Variants in YBEY observed in about 807,000 individuals in gnomAD.
YBEY encodes the protein ybeY metalloendoribonuclease, also known as endoribonuclease YbeY.
YBEY carries 15 observed loss-of-function variants against 13.5 expected under a neutral mutation model. The observed-to-expected ratio is 1.11, with a 90% CI of 0.75 to 1.72. The LOEUF (loss-of-function observed/expected upper bound fraction) is 1.72. Among genes scored for constraint, YBEY ranks in the 40% most tolerant of loss-of-function variants. The pLI, the probability that YBEY is intolerant of heterozygous loss-of-function variation, is 0.00. For missense variants in YBEY, 244 were observed against 208.4 expected (o/e 1.17, Z -1.05); for synonymous variants, 101 against 83.1 (o/e 1.21, Z -1.17).
At position 46,294,235 on chromosome 21, in the gene YBEY, CGGGA is replaced by C; in HGVS notation, c.340-1926_340-1923del. On this transcript the variant is annotated intron_variant, in intron 3 of 4. Coordinates refer to ENST00000397701, the MANE Select transcript of YBEY (RefSeq NM_001314025.2). ...TCCCGCGGTTAGCCTGACCCGTGCC[CGGGA>C]CTCAGTGGAGTCAGCCACGCAAGTT... 6.1e-5 allele frequency among the ~76,000 whole-genome samples: 4 copies of C among 65,784 alleles called. 1 individual carries two copies. The highest frequency in any genetic ancestry group is 5.5e-5 in the African/African-American group (1 of 18,272). The allele number at this position is 65,784 out of a possible 152,430, so 43.2% of individuals were successfully genotyped here.
intron 2 of YBEY, among the ~76,000 whole-genome samples, chr21:46,288,013 A>G (rs1416799786): frequency 8.2e-6 from 1 of 122,566 alleles, no homozygotes; most frequent in Non-Finnish European, 1.9e-5. Context: ...ACTCTGTCTC[A>G]GGAAAAAAAA....
intron 2 of YBEY, among the ~76,000 whole-genome samples, chr21:46,288,511 A>G (rs1238825397): frequency 6.6e-6 from 1 of 152,040 alleles, no homozygotes; most frequent in Non-Finnish European, 1.5e-5. Flanking sequence ...CCCCGTCTCT[A>G]CTAAAAATAC....
intron 3 of YBEY, among the ~76,000 whole-genome samples, chr21:46,294,966 C>T (rs1317303922): frequency 1.3e-5 from 2 of 152,172 alleles, no homozygotes; most frequent in African/African-American, 4.8e-5. Flanking sequence ...CAACTGCTCC[C>T]TCCAGACCTG....
intron 3 of YBEY, among the ~76,000 whole-genome samples, chr21:46,293,643 CG>C (rs1345030021): frequency 7.2e-4 from 15 of 20,920 alleles, no homozygotes; most frequent in Admixed American, 4.1e-3. Flanking sequence ...GACCCGTGCC[CG>C]GGACTCAGTG....
Position 46,292,676 on chromosome 21 carries a change from G to A in YBEY, c.339+1214G>A, listed in dbSNP as rs77891381. ...ATTCCTCCCGCGGTTAGCCTGACCC[G>A]TGCCCGGGACTCAGTGGGGACAGCC... On this transcript the variant is annotated intron_variant, in intron 3 of 4. Transcript: ENST00000397701. Among the ~76,000 whole-genome samples the A allele has an allele frequency of 7.3e-3, 294 of 40,388 alleles. 2 individuals carry two copies. In the Middle Eastern group the frequency reaches 0.077, roughly 11 times the overall value. The allele number at this position is 40,388 out of a possible 152,430, so 26.5% of individuals were successfully genotyped here. A position where few individuals can be genotyped will look rare whatever the true frequency, so the allele number is the denominator to read the frequency against.
rs2276257 is a variant in YBEY at position 46,291,315 on chromosome 21, A to G, written c.211-19A>G. On this transcript the variant is annotated intron_variant, in intron 2 of 4. Coordinates refer to ENST00000397701, the MANE Select transcript of YBEY (RefSeq NM_001314025.2). Reference sequence around the variant, plus strand: ...GTTACGTTTCCTGTTCTCTAAGTCTACATTTCCTCATTTTTTAGCATCTGA... The same window carrying G: ...GTTACGTTTCCTGTTCTCTAAGTCTGCATTTCCTCATTTTTTAGCATCTGA... 712,940 of 1,612,956 alleles carry G rather than the reference A, an allele frequency of 0.44. 160,421 individuals carry two copies. Among genetic ancestry groups the G allele is most frequent in the Admixed American group, 0.52 (31,241 of 59,882 alleles).
At chr21:46,306,892 CTTA>C in the YBEY span, among the ~76,000 whole-genome samples, 9 of 144,776 alleles carry the variant, frequency 6.2e-5, no homozygotes, top group African/African-American at 2.3e-4. Flanking sequence ...CCGGCCTCCC[CTTA>C]TTTTTATTTA....
downstream of YBEY, chr21:46,301,650 G>T: frequency 9.1e-7 from 1 of 1,099,022 alleles, no homozygotes; most frequent in South Asian, 4.5e-5. Context: ...GGCGTCCACG[G>T]CCTCAACTTT....
the YBEY span, chr21:46,311,466 A>T: frequency 1.3e-6 from 2 of 1,587,710 alleles, no homozygotes; most frequent in African/African-American, 2.7e-5. Context: ...CTTCCTTAAT[A>T]CTTCCTGACC....
the YBEY span, among the ~76,000 whole-genome samples, chr21:46,311,109 T>C: frequency 6.6e-6 from 1 of 151,902 alleles, no homozygotes; most frequent in African/African-American, 2.4e-5. Flanking sequence ...TGACCTCAGG[T>C]AATCCACCCG....
chr21:46,311,557 G>A, the YBEY span: 1 of 1,609,108 alleles, frequency 6.2e-7, no homozygotes, highest in Admixed American at 1.7e-5. Context: ...GGTGGCAGGA[G>A]GCTGGGGGAC....
chr21:46,289,983 G>A (rs9798614), intron 2 of YBEY, among the ~76,000 whole-genome samples: 1,246 of 39,190 alleles, frequency 0.032, 4 homozygotes, highest in East Asian at 0.047. Flanking sequence ...TTGCAGTTTC[G>A]TGTGTGTGTG....
At chr21:46,294,850 C>T (rs558328635) in intron 3 of YBEY, among the ~76,000 whole-genome samples, 1 of 152,196 alleles carries the variant, frequency 6.6e-6, no homozygotes, top group Non-Finnish European at 1.5e-5. Context: ...ACAGCCATGC[C>T]CTGAATCGCC....
intron 4 of YBEY, among the ~76,000 whole-genome samples, chr21:46,296,546 C>T (rs1320441914): frequency 6.6e-6 from 1 of 152,180 alleles, no homozygotes; most frequent in South Asian, 2.1e-4. Flanking sequence ...GGGAGCTCTG[C>T]GTGGAGTGAG....
downstream of YBEY, chr21:46,300,842 A>G (rs1318399460): frequency 1.7e-6 from 2 of 1,198,886 alleles, no homozygotes; most frequent in South Asian, 1.3e-5. Flanking sequence ...AAAAATATGT[A>G]AACAACATTA....
chr21:46,296,347 C>A (rs1271485672), intron 4 of YBEY, 117 bp downstream of exon 4: 6 of 1,108,958 alleles, frequency 5.4e-6, no homozygotes, highest in Non-Finnish European at 7.9e-6. Flanking sequence ...GGACCTCAGA[C>A]CTGCCCTTGT....
downstream of YBEY, chr21:46,302,291 C>A: frequency 7.3e-7 from 1 of 1,364,864 alleles, no homozygotes. Flanking sequence ...AGAGGAGGCT[C>A]CTCCCCCGCC....
At chr21:46,312,198 C>T in the YBEY span, among the ~76,000 whole-genome samples, 58 of 152,144 alleles carry the variant, frequency 3.8e-4, no homozygotes, top group Admixed American at 1.8e-3. Context: ...GTACTTCAGT[C>T]TAGATATCAC....
chr21:46,300,890 G>T, downstream of YBEY: 1 of 950,330 alleles, frequency 1.1e-6, no homozygotes, highest in African/African-American at 1.7e-5. Context: ...AAAAAAAAAA[G>T]TAACAAAAAG....
Sources: gnomAD v4.1 joint callset for allele counts (sites outside exome capture counted in the v4.1 genomes callset) on GRCh38, gnomAD v4.1.1 for gene constraint, MANE v1.5 for transcripts, NCBI Gene and HGNC (gene_info 2026-07-23, HGNC 2026-07-21) for gene names.